LBH: variants seen among roughly 807,000 people sequenced by gnomAD.
The protein encoded by LBH is protein LBH.
Under a neutral mutation model 12.5 loss-of-function variants are expected in LBH, and 7 were observed. The ratio of observed to expected loss-of-function variants is 0.56; its 90% confidence interval spans 0.32 to 1.05. The LOEUF (loss-of-function observed/expected upper bound fraction) is 1.05. LBH is among the 50% of genes least tolerant of loss of function. The pLI is 0.04. For missense variants in LBH, 119 were observed against 138.9 expected, an observed-to-expected ratio of 0.86 and a Z score of 0.72; for synonymous variants, 51 against 50.1, an observed-to-expected ratio of 1.02 and a Z score of -0.08.
rs532201341 is a variant in LBH at position 30,255,643 on chromosome 2, T to C, written c.130-1790T>C. ...CCTGGAAGCCCCACGTGGCCTGTGA[T>C]GTGGTGAGAGTGTGACTTGGCTGGG... is the stretch of plus-strand genomic sequence containing the variant. On this transcript the variant is annotated intron_variant, in intron 2 of 2. Transcript: ENST00000395323. Among the ~76,000 whole-genome samples the C allele has an allele frequency of 2.6e-5, 4 of 152,296 alleles. No individual in the cohort carries two copies. In the East Asian group the frequency reaches 7.7e-4, roughly 29 times the overall value.
chr2:30,245,919 AGTTTTAAAATAT>A (rs955449434), intron 2 of LBH, among the ~76,000 whole-genome samples: 2 of 151,404 alleles, frequency 1.3e-5, no homozygotes, highest in African/African-American at 4.9e-5. Flanking sequence ...AATCTTTACC[AGTTTTAAAATAT>A]GTTGTTTTTC....
chr2:30,256,008 G>A (rs1365448782), intron 2 of LBH, among the ~76,000 whole-genome samples: 1 of 152,212 alleles, frequency 6.6e-6, no homozygotes, highest in Non-Finnish European at 1.5e-5. Context: ...CCATGAAGGT[G>A]CCAAGTGCCT....
rs573332726 is a variant in LBH, at chr2:30,250,909, A to G, written c.130-6524A>G. ...GTCCGCATACTAAATCATCAATCCA[A>G]CGAGGCAGCCACTCGCCACACAGGG... On this transcript the variant is annotated intron_variant, in intron 2 of 2. Transcript: ENST00000395323. Among the ~76,000 whole-genome samples the G allele has an allele frequency of 1.3e-3, 199 of 151,964 alleles. 1 individual carries two copies. Among genetic ancestry groups the G allele is most frequent in the Middle Eastern group, 3.4e-3 (1 of 292 alleles).
At position 30,231,544 on chromosome 2, in the gene LBH, C is replaced by T; in HGVS notation, c.-195C>T. The T allele has an allele frequency of 1.7e-6, 1 of 605,720 alleles. No individual in the cohort carries two copies. The highest frequency in any genetic ancestry group is 3.4e-5 in the Admixed American group (1 of 29,828). 37.5% of individuals were successfully genotyped at this position (605,720 alleles called of 1,614,324 possible). A position where few individuals can be genotyped will look rare whatever the true frequency, so the allele number is the denominator to read the frequency against. On this transcript the variant is annotated 5_prime_UTR_variant, in exon 1 of 3. Coordinates refer to ENST00000395323, the MANE Select transcript of LBH (RefSeq NM_030915.4). Reference sequence around the variant, plus strand: ...CGGGCTCTTTGTGGGGCTGAGTGCTCAGTGGAGAGCGGGGAGTTGTGTCCA... The same window carrying T: ...CGGGCTCTTTGTGGGGCTGAGTGCTTAGTGGAGAGCGGGGAGTTGTGTCCA...
chr2:30,244,649 C>A (rs764246265), intron 2 of LBH, among the ~76,000 whole-genome samples: 9 of 152,116 alleles, frequency 5.9e-5, no homozygotes, highest in Non-Finnish European at 5.9e-5. Context: ...CACCTATAAT[C>A]CCAGCACTTT....
chr2:30,235,980 T>C lies in LBH; in HGVS notation c.129+1473T>C, dbSNP rs118003237. On this transcript the variant is annotated intron_variant, in intron 2 of 2. Transcript: ENST00000395323. ...TCTGAGGAAGACAATTGAGGGCCCC[T>C]CAACCTGGTGGGAGGGGTAGAAGTT... Among the ~76,000 whole-genome samples the C allele has an allele frequency of 5.9e-3, 900 of 152,264 alleles. 29 individuals carry two copies. In the East Asian group the frequency reaches 0.1, roughly 17 times the overall value.
chr2:30,242,711 C>G (rs1239567833), intron 2 of LBH, among the ~76,000 whole-genome samples: 1 of 152,094 alleles, frequency 6.6e-6, no homozygotes, highest in African/African-American at 2.4e-5. Flanking sequence ...GTAGTGAATC[C>G]CTTTTTCACT....
chr2:30,254,626 C>G (rs1678048630), intron 2 of LBH, among the ~76,000 whole-genome samples: 1 of 152,026 alleles, frequency 6.6e-6, no homozygotes, highest in Admixed American at 6.5e-5. Context: ...CCCCCTCCCC[C>G]CCTCCTCCTT....
In LBH at chr2:30,257,560, T is replaced by A. The variant is rs776631295; in HGVS notation, c.257T>A (p.Leu86Gln). Residue 86 changes from leucine to glutamine, a missense_variant, in exon 3 of 3, where the codon CTG becomes CAG. By Grantham distance (113) the Leu-to-Gln change is moderately radical (BLOSUM62 -2). Transcript: ENST00000395323. ...GELRWPPEEF[L>Q]VQEDEQDNCE... is the part of the protein sequence containing the mutation. Reference sequence around the variant, plus strand: ...CTCCGGTGGCCCCCTGAGGAGTTCCTGGTCCAGGAGGATGAGCAAGATAAC... The same window carrying A: ...CTCCGGTGGCCCCCTGAGGAGTTCCAGGTCCAGGAGGATGAGCAAGATAAC... The A allele has an allele frequency of 1.2e-6, 2 of 1,614,160 alleles. No homozygotes were observed. The highest frequency in any genetic ancestry group is 2.2e-5 in the South Asian group (2 of 91,076).
intron 2 of LBH, among the ~76,000 whole-genome samples, chr2:30,248,107 G>A (rs914161510): frequency 6.6e-6 from 1 of 152,210 alleles, no homozygotes; most frequent in African/African-American, 2.4e-5. Context: ...CTCTGTTAGT[G>A]TAGATGGTTT....
intron 2 of LBH, among the ~76,000 whole-genome samples, chr2:30,236,185 A>T (rs1677686846): frequency 6.6e-6 from 1 of 152,170 alleles, no homozygotes; most frequent in African/African-American, 2.4e-5. Flanking sequence ...TTTTCCTTTT[A>T]AATACATCCC....
rs145614823 is a variant in LBH at position 30,232,205 on chromosome 2, T to C, written c.26+441T>C. The stretch of plus-strand genomic sequence containing the variant: ...GAGGCCGGCAGCAGCGGGGCTGAGC[T>C]GGTGCGGCCGCAGGGTTTGCAGAGC... On this transcript the variant is annotated intron_variant, in intron 1 of 2. Transcript: ENST00000395323. 3.6e-3 allele frequency: 4,658 copies of C among 1,293,194 alleles called. 131 individuals carry two copies. In the African/African-American group the frequency reaches 0.069, roughly 19 times the overall value. 80.1% of individuals were successfully genotyped at this position (1,293,194 alleles called of 1,614,324 possible). A position where few individuals can be genotyped will look rare whatever the true frequency, so the allele number is the denominator to read the frequency against.
rs565615236 is a variant in LBH at position 30,248,899 on chromosome 2, G to A, written c.130-8534G>A. 5.3e-5 allele frequency among the ~76,000 whole-genome samples: 8 copies of A among 152,300 alleles called. No individual in the cohort carries two copies. The South Asian group carries it at 1.7e-3, about 32-fold the overall frequency. ...ATTTCCTTTTCTTTTAAGTTTCAAGGCTGGAGGCTTAAGCATCTTTGATCC... is the reference window on the plus strand; with the variant it reads ...ATTTCCTTTTCTTTTAAGTTTCAAGACTGGAGGCTTAAGCATCTTTGATCC... On this transcript the variant is annotated intron_variant, in intron 2 of 2. Coordinates refer to ENST00000395323, the MANE Select transcript of LBH (RefSeq NM_030915.4).
chr2:30,254,047 G>A (rs779963984), intron 2 of LBH, among the ~76,000 whole-genome samples: 3 of 152,174 alleles, frequency 2.0e-5, no homozygotes, highest in African/African-American at 7.2e-5. Context: ...GTCACATACC[G>A]TCTCTGTGCT....
chr2:30,248,729 T>C (rs1677920254), intron 2 of LBH, among the ~76,000 whole-genome samples: 1 of 152,194 alleles, frequency 6.6e-6, no homozygotes, highest in Non-Finnish European at 1.5e-5. Flanking sequence ...AAAAAAGTTC[T>C]CTAACATTCC....
intron 2 of LBH, among the ~76,000 whole-genome samples, chr2:30,237,030 C>A (rs1677700189): frequency 6.6e-6 from 1 of 152,238 alleles, no homozygotes; most frequent in South Asian, 2.1e-4. Context: ...CAATTAGACA[C>A]ATTCCCACCA....
At chr2:30,251,535 C>T (rs1234849500) in intron 2 of LBH, among the ~76,000 whole-genome samples, 5 of 151,714 alleles carry the variant, frequency 3.3e-5, no homozygotes, top group Admixed American at 6.6e-5. Context: ...GGCATGGTGG[C>T]TCATGCCTGT....
rs1056007584 is a variant in LBH, at chr2:30,231,623, C to T, written c.-116C>T. 10 of 1,035,198 alleles carry T rather than the reference C, an allele frequency of 9.7e-6. No individual in the cohort carries two copies. The African/African-American group carries it at 1.1e-4, about 12-fold the overall frequency. The allele number at this position is 1,035,198 out of a possible 1,614,324, so 64.1% of individuals were successfully genotyped here. On this transcript the variant is annotated 5_prime_UTR_variant, in exon 1 of 3. Transcript: ENST00000395323. ...GTCCTGGGAAGGCGGACGGCGAGCG[C>T]CCGGTGTCCGCACTCGGCCGCCTGC...
Position 30,232,276 on chromosome 2 carries a change from C to CACT in LBH, c.26+514_26+516dup, listed in dbSNP as rs544022961. On this transcript the variant is annotated intron_variant, in intron 1 of 2. Coordinates refer to ENST00000395323, the MANE Select transcript of LBH (RefSeq NM_030915.4). ...GAAACGCTCTCCCCACACGTAACCC[C>CACT]ACTAAAGCCACAAGCAGCAGGGCAC... 12,267 of 1,483,924 alleles carry CACT rather than the reference C, an allele frequency of 8.3e-3. 109 individuals are homozygous for CACT. Among genetic ancestry groups the CACT allele is most frequent in the Non-Finnish European group, 9.5e-3 (10,564 of 1,109,798 alleles). The allele number at this position is 1,483,924 out of a possible 1,614,324, so 91.9% of individuals were successfully genotyped here.
Sources: gnomAD v4.1 joint callset for allele counts (sites outside exome capture counted in the v4.1 genomes callset) on GRCh38, gnomAD v4.1.1 for gene constraint, MANE v1.5 for transcripts, NCBI Gene and HGNC (gene_info 2026-07-23, HGNC 2026-07-21) for gene names.